The following NUDT3 variants were observed in gnomAD, a reference collection of about 807,000 sequenced individuals.
The protein encoded by NUDT3 is diphosphoinositol polyphosphate phosphohydrolase 1.
Under a neutral mutation model 23.6 loss-of-function variants are expected in NUDT3, and 9 were observed. The ratio of observed to expected loss-of-function variants is 0.38; its 90% CI spans 0.23 to 0.66. NUDT3 has a LOEUF of 0.66. Ranked by LOEUF, NUDT3 falls within the 30% of genes least tolerant of loss-of-function variation. NUDT3 has a pLI of 0.52. For missense variants in NUDT3, 172 were observed against 218.5 expected, an observed-to-expected ratio of 0.79 and a Z score of 1.34; for synonymous variants, 86 against 82.6, an observed-to-expected ratio of 1.04 and a Z score of -0.22.
In NUDT3 at chr6:34,392,517, C is replaced by T. The variant is rs1358161378; in HGVS notation, c.-155G>A. 4.0e-6 allele frequency: 2 copies of T among 497,474 alleles called. No homozygotes were observed. The highest frequency in any genetic ancestry group is 7.0e-6 in the Non-Finnish European group (2 of 285,786). The allele number at this position is 497,474 out of a possible 1,614,324, so 30.8% of individuals were successfully genotyped here. A position where few individuals can be genotyped will look rare whatever the true frequency, so the allele number is the denominator to read the frequency against. On this transcript the variant is annotated 5_prime_UTR_variant, in exon 1 of 5. Transcript: ENST00000607016. ...ACACGGCTCCGCCGCTGGCCCGCCG[C>T]GGCCGCCTCATTCCCCCAGGCCCAG...
intron 2 of NUDT3, among the ~76,000 whole-genome samples, chr6:34,338,663 C>A (rs529056983): frequency 3.2e-4 from 49 of 152,190 alleles, no homozygotes; most frequent in Non-Finnish European, 6.8e-4. Context: ...CACTTTCCCA[C>A]AGAAACAGGT....
chr6:34,392,601 G>A lies in NUDT3; in HGVS notation c.-239C>T. ...CGTCTCCGCTGCCGCCAGGGCCGCCGCCCCCTCTGCCGCCGCCACCCCCGA... is the reference window on the plus strand; with the variant it reads ...CGTCTCCGCTGCCGCCAGGGCCGCCACCCCCTCTGCCGCCGCCACCCCCGA... On this transcript the variant is annotated 5_prime_UTR_variant, in exon 1 of 5. Coordinates refer to ENST00000607016, the MANE Select transcript of NUDT3 (RefSeq NM_006703.4). 1.4e-5 allele frequency: 4 copies of A among 294,636 alleles called. No individual in the cohort carries two copies. Among genetic ancestry groups the A allele is most frequent in the East Asian group, 5.7e-5 (1 of 17,534 alleles). 18.3% of individuals were successfully genotyped at this position (294,636 alleles called of 1,614,324 possible). A position where few individuals can be genotyped will look rare whatever the true frequency, so the allele number is the denominator to read the frequency against.
At chr6:34,315,887 T>C (rs193280644) in intron 2 of NUDT3, among the ~76,000 whole-genome samples, 88 of 152,312 alleles carry the variant, frequency 5.8e-4, no homozygotes, top group African/African-American at 2.0e-3. Flanking sequence ...TGGCCATAAA[T>C]AGCTGATCGT....
At chr6:34,294,132 C>T (rs1239971114) in intron 3 of NUDT3, among the ~76,000 whole-genome samples, 1 of 152,114 alleles carries the variant, frequency 6.6e-6, no homozygotes, top group East Asian at 1.9e-4. Flanking sequence ...GGTACAGGTG[C>T]ACATCACCAT....
At chr6:34,379,588 T>C (rs1376122153) in intron 1 of NUDT3, among the ~76,000 whole-genome samples, 3 of 152,096 alleles carry the variant, frequency 2.0e-5, no homozygotes, top group Middle Eastern at 3.4e-3. Flanking sequence ...ACAGAAGTTT[T>C]TTTGTACAGA....
chr6:34,380,116 T>C (rs1025573627), intron 1 of NUDT3, among the ~76,000 whole-genome samples: 2 of 152,164 alleles, frequency 1.3e-5, no homozygotes, highest in African/African-American at 4.8e-5. Context: ...AAAGTTTCGC[T>C]CTTGTTGCCC....
At position 34,304,975 on chromosome 6, in the gene NUDT3, ATTTTTTTTTTTTT is replaced by A. The variant is rs535349190; in HGVS notation, c.211-9303_211-9291del. ...GCATGAGCCACTGTGCCCGGTCTGA[ATTTTTTTTTTTTT>A]TTTTTTTTTTTTGAGACAGAGTCTT... is the stretch of plus-strand genomic sequence containing the variant. On this transcript the variant is annotated intron_variant, in intron 2 of 4. Transcript: ENST00000607016. 1.3e-4 allele frequency among the ~76,000 whole-genome samples: 11 copies of A among 85,350 alleles called. 1 individual carries two copies. In the South Asian group the frequency reaches 4.0e-3, roughly 31 times the overall value. The allele number at this position is 85,350 out of a possible 152,430, so 56.0% of individuals were successfully genotyped here. A position where few individuals can be genotyped will look rare whatever the true frequency, so the allele number is the denominator to read the frequency against.
At chr6:34,300,168 A>G (rs1348111908) in intron 2 of NUDT3, among the ~76,000 whole-genome samples, 2 of 152,122 alleles carry the variant, frequency 1.3e-5, no homozygotes, top group Non-Finnish European at 2.9e-5. Flanking sequence ...CTCCCTGTGT[A>G]TGTACAAAAG....
At chr6:34,299,847 G>A (rs1763571868) in intron 2 of NUDT3, among the ~76,000 whole-genome samples, 2 of 151,342 alleles carry the variant, frequency 1.3e-5, no homozygotes, top group South Asian at 2.1e-4. Flanking sequence ...ACACTGCAGT[G>A]AGCCAAGATT....
chr6:34,299,504 A>G (rs2113699759), intron 2 of NUDT3, among the ~76,000 whole-genome samples: 1 of 152,128 alleles, frequency 6.6e-6, no homozygotes, highest in South Asian at 2.1e-4. Flanking sequence ...AGCTCACTGC[A>G]GCCTTGAACT....
chr6:34,372,520 T>C (rs1053282437), intron 1 of NUDT3, among the ~76,000 whole-genome samples: 1 of 152,100 alleles, frequency 6.6e-6, no homozygotes, highest in Admixed American at 6.6e-5. Context: ...TAAGTGTACT[T>C]TGTGTCAGGT....
At chr6:34,348,149 G>A (rs1027387970) in intron 1 of NUDT3, among the ~76,000 whole-genome samples, 5 of 151,872 alleles carry the variant, frequency 3.3e-5, no homozygotes, top group Admixed American at 1.3e-4. Context: ...AGCTGGGCAC[G>A]ATGGTGTGAG....
intron 2 of NUDT3, among the ~76,000 whole-genome samples, chr6:34,307,931 C>T (rs985157395): frequency 6.6e-6 from 1 of 151,436 alleles, no homozygotes; most frequent in Non-Finnish European, 1.5e-5. Context: ...CCAGCCTAGC[C>T]AACATGGTGA....
intron 1 of NUDT3, among the ~76,000 whole-genome samples, chr6:34,371,633 T>A (rs146871970): frequency 6.6e-6 from 1 of 152,326 alleles, no homozygotes; most frequent in African/African-American, 2.4e-5. Context: ...GTTCACTGAT[T>A]AGAAGAATAG....
Position 34,392,382 on chromosome 6 carries a change from G to C in NUDT3, c.-20C>G, listed in dbSNP as rs776858903. On this transcript the variant is annotated 5_prime_UTR_variant, in exon 1 of 5. Coordinates refer to ENST00000607016, the MANE Select transcript of NUDT3 (RefSeq NM_006703.4). The stretch of plus-strand genomic sequence containing the variant: ...CATCATCCTCCGGGCCCGGGTGGGG[G>C]TGCGGTGCGGGTCGCAGGAGTCGAG... 6.3e-7 allele frequency: 1 copy of C among 1,587,882 alleles called. No homozygotes were observed. The highest frequency in any genetic ancestry group is 8.6e-7 in the Non-Finnish European group (1 of 1,168,100).
At chr6:34,328,182 C>G (rs1168289697) in intron 2 of NUDT3, among the ~76,000 whole-genome samples, 2 of 152,208 alleles carry the variant, frequency 1.3e-5, no homozygotes, top group Non-Finnish European at 2.9e-5. Context: ...TGAACCACCA[C>G]GCCCGGCCAA....
Position 34,287,985 on chromosome 6 carries a change from T to A in NUDT3, c.*768A>T, listed in dbSNP as rs1763358458. On this transcript the variant is annotated 3_prime_UTR_variant, in exon 5 of 5. Transcript: ENST00000607016. ...TAAAAAAAGGTTTCTTCCTGTTTCT[T>A]TCTGGGCAGGGAAATACAGCTTAAA... 2 of 152,232 alleles carry A rather than the reference T, an allele frequency of 1.3e-5. No homozygotes were observed. The highest frequency in any genetic ancestry group is 2.4e-5 in the African/African-American group (1 of 41,448). 9.4% of individuals were successfully genotyped at this position (152,232 alleles called of 1,614,324 possible).
chr6:34,349,858 A>C (rs888193473), intron 1 of NUDT3, among the ~76,000 whole-genome samples: 3 of 150,694 alleles, frequency 2.0e-5, no homozygotes, highest in South Asian at 2.1e-4. Context: ...TGGGAGGCTG[A>C]GGCGGGCGGA....
At chr6:34,314,891 T>C (rs561629864) in intron 2 of NUDT3, among the ~76,000 whole-genome samples, 41 of 152,262 alleles carry the variant, frequency 2.7e-4, no homozygotes, top group Middle Eastern at 3.4e-3. Context: ...AAAATTGATA[T>C]CTAGAGATGA....
Sources: gnomAD v4.1 joint callset for allele counts (sites outside exome capture counted in the v4.1 genomes callset) on GRCh38, gnomAD v4.1.1 for gene constraint, MANE v1.5 for transcripts, NCBI Gene and HGNC (gene_info 2026-07-23, HGNC 2026-07-21) for gene names.